The following RYR3 variants were observed in gnomAD, a reference collection of about 807,000 sequenced individuals.
RYR3 encodes ryanodine receptor 3, also known as brain ryanodine receptor-calcium release channel.
In RYR3, 207 loss-of-function variants were observed where a neutral mutation model predicts 584.3. The ratio of observed to expected loss-of-function variants is 0.35; its 90% CI spans 0.32 to 0.40. The LOEUF is 0.40. Among genes scored for constraint, RYR3 ranks in the 10% least tolerant of loss-of-function variants. The probability of loss-of-function intolerance (pLI) is 1.00; values close to 1 mark genes in which losing one functional copy is unlikely to be tolerated. For missense variants in RYR3, 5,616 were observed against 6,089.2 expected (o/e 0.92, Z 2.59); for synonymous variants, 2,416 against 2,248.5 (o/e 1.07, Z -2.11).
intron 1 of RYR3, among the ~76,000 whole-genome samples, chr15:33,355,263 G>T (rs780640989): frequency 4.3e-4 from 65 of 151,716 alleles, no homozygotes; most frequent in Non-Finnish European, 7.5e-4. Context: ...CAAAGCATGA[G>T]ATCAGGCAAA....
At chr15:33,618,747 C>A (rs940905903) in intron 19 of RYR3, among the ~76,000 whole-genome samples, 1 of 152,176 alleles carries the variant, frequency 6.6e-6, no homozygotes, top group Non-Finnish European at 1.5e-5. Flanking sequence ...TGATTTTACA[C>A]GTTTGCTAGC....
At chr15:33,581,256 C>T (rs1329936471) in intron 13 of RYR3, among the ~76,000 whole-genome samples, 1 of 152,060 alleles carries the variant, frequency 6.6e-6, no homozygotes, top group African/African-American at 2.4e-5. Flanking sequence ...GAGTTAAGCA[C>T]GTGGGGGCAA....
intron 96 of RYR3, among the ~76,000 whole-genome samples, 199 bp from the exon 97 acceptor site, chr15:33,854,190 C>T (rs917243506): frequency 2.7e-4 from 12 of 44,358 alleles, no homozygotes; most frequent in African/African-American, 6.4e-4. Flanking sequence ...AGTGAGACTC[C>T]GTTTCAAAAA....
chr15:33,736,927 T>G (rs535861404), intron 49 of RYR3, among the ~76,000 whole-genome samples: 108 of 152,134 alleles, frequency 7.1e-4, no homozygotes, highest in African/African-American at 2.5e-3. Context: ...TTTTGTGTGT[T>G]TGTTTGTTTT....
At chr15:33,757,288 G>C (rs1030816315) in intron 59 of RYR3, among the ~76,000 whole-genome samples, 187 bp from the exon 60 acceptor site, 1 of 152,088 alleles carries the variant, frequency 6.6e-6, no homozygotes, top group Non-Finnish European at 1.5e-5. Flanking sequence ...ATGCCCTTAA[G>C]GACTCTGGTT....
chr15:33,716,583 CAAAT>C (rs145264686), intron 43 of RYR3, among the ~76,000 whole-genome samples: 12,170 of 152,150 alleles, frequency 0.08, 586 homozygotes, highest in Admixed American at 0.11. Flanking sequence ...ACAAATTCCT[CAAAT>C]AAAGAAGCCA....
intron 2 of RYR3, among the ~76,000 whole-genome samples, chr15:33,481,198 C>G (rs1375717085): frequency 6.6e-6 from 1 of 152,030 alleles, no homozygotes; most frequent in Non-Finnish European, 1.5e-5. Flanking sequence ...GTATTTATAT[C>G]TTTATATTTA....
At position 33,635,554 on chromosome 15, in the gene RYR3, G is replaced by A. The variant is rs1321487705; in HGVS notation, c.3176-60G>A. The A allele has an allele frequency of 3.1e-6, 4 of 1,300,640 alleles. No homozygotes were observed. In the South Asian group the frequency reaches 5.0e-5, roughly 16 times the overall value. 80.6% of individuals were successfully genotyped at this position (1,300,640 alleles called of 1,614,324 possible). A position where few individuals can be genotyped will look rare whatever the true frequency, so the allele number is the denominator to read the frequency against. ...TTTTGAGTAGTGCTACCTAATTATT[G>A]AAGGTCTACGTTCTCTCTTTCCCTT... On this transcript the variant is annotated intron_variant, in intron 25 of 103. Transcript: ENST00000634891.
At chr15:33,515,694 C>T (rs139110761) in intron 3 of RYR3, among the ~76,000 whole-genome samples, 298 of 152,336 alleles carry the variant, frequency 2.0e-3, no homozygotes, top group Non-Finnish European at 3.6e-3. Flanking sequence ...CTGGGCTGAA[C>T]CCTGGTCCAA....
At chr15:33,471,412 G>A (rs1006806354) in intron 1 of RYR3, among the ~76,000 whole-genome samples, 1 of 152,102 alleles carries the variant, frequency 6.6e-6, no homozygotes, top group Non-Finnish European at 1.5e-5. Context: ...AGCTTGGGAT[G>A]TGACTTATAG....
intron 91 of RYR3, among the ~76,000 whole-genome samples, chr15:33,842,483 C>A (rs1381825283): frequency 6.6e-6 from 1 of 152,218 alleles, no homozygotes. Context: ...CTTAGAACAG[C>A]TTGTAATATT....
intron 38 of RYR3, among the ~76,000 whole-genome samples, chr15:33,685,666 T>C (rs1341371722): frequency 6.6e-6 from 1 of 152,196 alleles, no homozygotes; most frequent in Non-Finnish European, 1.5e-5. Context: ...ATTGCACTTA[T>C]TCCAAAAGTG....
In RYR3 at chr15:33,621,584, C is replaced by T. The variant is rs895939356; in HGVS notation, c.2358-2223C>T. On this transcript the variant is annotated intron_variant, in intron 19 of 103. Transcript: ENST00000634891. The stretch of plus-strand genomic sequence containing the variant: ...AATACACATAGATTGTGTCCTATTA[C>T]ATAACACTTAATGTAGGCGCATTCA... Among the ~76,000 whole-genome samples, 4 of 152,146 alleles carry T rather than the reference C, an allele frequency of 2.6e-5. No homozygotes were observed. In the East Asian group the frequency reaches 7.7e-4, roughly 29 times the overall value.
At chr15:33,591,098 A>G (rs1446765896) in intron 16 of RYR3, among the ~76,000 whole-genome samples, 1 of 152,018 alleles carries the variant, frequency 6.6e-6, no homozygotes, top group Non-Finnish European at 1.5e-5. Flanking sequence ...CAATGATTTC[A>G]CTCTTGTGGA....
chr15:33,377,115 A>G (rs74007942), intron 1 of RYR3, among the ~76,000 whole-genome samples: 98 of 152,342 alleles, frequency 6.4e-4, no homozygotes, highest in African/African-American at 2.3e-3. Context: ...ACAGACGTAG[A>G]CAATAGGCCC....
chr15:33,861,679 G>C (rs1187305239), intron 102 of RYR3, among the ~76,000 whole-genome samples: 2 of 152,072 alleles, frequency 1.3e-5, no homozygotes, highest in Non-Finnish European at 2.9e-5. Flanking sequence ...ATTGGGTCTT[G>C]TCAAAGGGGC....
At chr15:33,510,101 G>A (rs912662667) in intron 3 of RYR3, among the ~76,000 whole-genome samples, 2 of 152,158 alleles carry the variant, frequency 1.3e-5, no homozygotes, top group Admixed American at 6.5e-5. Context: ...AAAGCTTGTC[G>A]AAACCTGCGC....
chr15:33,400,484 A>T (rs1269405159), intron 1 of RYR3, among the ~76,000 whole-genome samples: 1 of 152,210 alleles, frequency 6.6e-6, no homozygotes. Flanking sequence ...TGCTGGGGGA[A>T]AAGCAGGTGA....
chr15:33,843,319 C>CA (rs932073799), intron 91 of RYR3, among the ~76,000 whole-genome samples, 169 bp from the exon 92 acceptor site: 11 of 149,734 alleles, frequency 7.3e-5, no homozygotes, highest in East Asian at 2.0e-4. Context: ...GACTCCATCT[C>CA]AAAAAAAAAG....
Sources: allele counts gnomAD v4.1 joint callset (sites outside exome capture counted in the v4.1 genomes callset), GRCh38; gene constraint gnomAD v4.1.1; transcripts MANE v1.5; gene names NCBI Gene and HGNC (gene_info 2026-07-23, HGNC 2026-07-21).